VPS41: variants seen among roughly 807,000 people sequenced by gnomAD.
VPS41 encodes VPS41 subunit of HOPS complex.
VPS41 carries 85 observed loss-of-function variants against 130.9 expected under a neutral mutation model. The observed-to-expected ratio is 0.65, with a 90% CI of 0.55 to 0.78. The LOEUF is 0.78. Among genes scored for constraint, VPS41 ranks in the 30% least tolerant of loss-of-function variants. VPS41 has a pLI of 0.00. For synonymous variants in VPS41, 335 were observed against 332.9 expected (o/e 1.01, Z -0.07); for missense variants, 874 against 1,018.7 (o/e 0.86, Z 1.93).
intron 12 of VPS41, among the ~76,000 whole-genome samples, chr7:38,772,935 T>C (rs1334627677): frequency 6.6e-6 from 1 of 151,644 alleles, no homozygotes. Flanking sequence ...GAAAAAAAAA[T>C]AAGGTGAGTT....
intron 9 of VPS41, among the ~76,000 whole-genome samples, chr7:38,793,124 T>G (rs1784562806): frequency 6.6e-6 from 1 of 152,214 alleles, no homozygotes; most frequent in East Asian, 1.9e-4. Context: ...CTCCTTTTTA[T>G]TTGCCACCTT....
intron 4 of VPS41, among the ~76,000 whole-genome samples, chr7:38,850,568 G>A (rs188658991): frequency 1.4e-3 from 207 of 152,296 alleles, no homozygotes; most frequent in Non-Finnish European, 2.2e-3. Flanking sequence ...GAAAGTCAAT[G>A]TCTCCCTAAA....
chr7:38,862,485 T>TA (rs1786137913), intron 4 of VPS41, 60 bp downstream of exon 4: 1 of 1,114,804 alleles, frequency 9.0e-7, no homozygotes, highest in Non-Finnish European at 1.3e-6. Flanking sequence ...ACCAATATTC[T>TA]AAAACACAAA....
At position 38,763,519 on chromosome 7, in the gene VPS41, T is replaced by C; in HGVS notation, c.1358A>G (p.Asp453Gly). 6.2e-7 allele frequency: 1 copy of C among 1,608,676 alleles called. No individual in the cohort carries two copies. The highest frequency in any genetic ancestry group is 1.1e-5 in the South Asian group (1 of 90,118). The change falls in exon 17 of 29, where the codon GAT (aspartate) becomes GGT (glycine). Residue 453 changes from aspartate (D) to glycine (G), a missense_variant. Physicochemically the swap from Asp to Gly is moderately conservative, Grantham distance 94 (BLOSUM62 -1). Transcript: ENST00000310301. ...ATAGATGAGTGGTTTCAGAACTGGATCACCTCTTGGCAAATAAGGACTAAT... is the reference window on the plus strand; with the variant it reads ...ATAGATGAGTGGTTTCAGAACTGGACCACCTCTTGGCAAATAAGGACTAAT... ...KAISPYLPRG[D>G]PVLKPLIYEM...
rs146540222 is a variant in VPS41, at chr7:38,764,157, A to G, written c.1330-610T>C. Among the ~76,000 whole-genome samples the G allele has an allele frequency of 5.1e-4, 77 of 152,338 alleles. 2 individuals are homozygous for G. In the East Asian group the frequency reaches 8.3e-3, roughly 16 times the overall value. Reference sequence around the variant, plus strand: ...GAAAGATATGCAGACAATTAAACAGACAATAACTGTATTGTGTGGTAAGTG... The same window carrying G: ...GAAAGATATGCAGACAATTAAACAGGCAATAACTGTATTGTGTGGTAAGTG... On this transcript the variant is annotated intron_variant, in intron 16 of 28. Transcript: ENST00000310301.
intron 6 of VPS41, among the ~76,000 whole-genome samples, chr7:38,818,781 AAC>A (rs906031850): frequency 4.6e-5 from 7 of 152,176 alleles, no homozygotes; most frequent in Admixed American, 1.3e-4. Flanking sequence ...TTTTTAGGTA[AAC>A]ACACACACAA....
intron 8 of VPS41, among the ~76,000 whole-genome samples, chr7:38,796,072 G>A (rs1784612213): frequency 6.6e-6 from 1 of 152,172 alleles, no homozygotes; most frequent in Non-Finnish European, 1.5e-5. Flanking sequence ...TGAACCAAGA[G>A]ACCACAGCTT....
intron 27 of VPS41, among the ~76,000 whole-genome samples, chr7:38,727,754 A>G (rs1036650858): frequency 2.0e-5 from 3 of 152,218 alleles, no homozygotes; most frequent in Admixed American, 1.3e-4. Context: ...CATGAGGTCA[A>G]CTAGGTCTTT....
rs183858075 is a variant in VPS41 at position 38,723,173 on chromosome 7, C to G, written c.*3073G>C. The G allele has an allele frequency of 6.6e-6, 1 of 152,074 alleles. No individual in the cohort carries two copies. The highest frequency in any genetic ancestry group is 2.4e-5 in the African/African-American group (1 of 41,376). The allele number at this position is 152,074 out of a possible 1,614,324, so 9.4% of individuals were successfully genotyped here. On this transcript the variant is annotated 3_prime_UTR_variant, in exon 29 of 29. Transcript: ENST00000310301. ...GAGGAAGGGGAGGGCCTGGTCTTGC[C>G]GTCTCAAGGGTGGCAGAGGCAGAAG...
chr7:38,803,826 T>C (rs1584403759), intron 7 of VPS41, among the ~76,000 whole-genome samples: 1 of 152,224 alleles, frequency 6.6e-6, no homozygotes, highest in East Asian at 1.9e-4. Context: ...AGCAGGTAAG[T>C]GTCTTTGTTT....
chr7:38,811,207 A>C (rs1784936271), intron 7 of VPS41, among the ~76,000 whole-genome samples: 1 of 152,124 alleles, frequency 6.6e-6, no homozygotes, highest in African/African-American at 2.4e-5. Context: ...AACAAACAAA[A>C]CACGCTAATG....
chr7:38,803,066 C>G (rs1784763295), intron 7 of VPS41, among the ~76,000 whole-genome samples: 1 of 152,164 alleles, frequency 6.6e-6, no homozygotes, highest in South Asian at 2.1e-4. Context: ...TATGAGCCCT[C>G]ACATCCTCAG....
chr7:38,742,120 T>C lies in VPS41; in HGVS notation c.2124A>G (p.Pro708=). 1 of 1,606,152 alleles carries C rather than the reference T, an allele frequency of 6.2e-7. No individual in the cohort carries two copies. The highest frequency in any genetic ancestry group is 1.1e-5 in the South Asian group (1 of 88,958). Residue 708 remains proline, a splice_region_variant and synonymous_variant, in exon 25 of 29, where the codon CCA becomes CCG. Coordinates refer to ENST00000310301, the MANE Select transcript of VPS41 (RefSeq NM_014396.4). ...TGTTGTTTAACAAGCCAGTAATAAATGCTACAAAATACCACATAAAACAAT... is the reference window on the plus strand; with the variant it reads ...TGTTGTTTAACAAGCCAGTAATAAACGCTACAAAATACCACATAAAACAAT... ...DLILYSIDKP[P]FITGLLNNIG...
intron 1 of VPS41, among the ~76,000 whole-genome samples, chr7:38,905,101 AT>A (rs1458355610): frequency 1.3e-5 from 2 of 152,160 alleles, no homozygotes; most frequent in African/African-American, 4.8e-5. Flanking sequence ...TTGAAATGCT[AT>A]TTTCCCCCTA....
At chr7:38,757,629 G>A (rs1284076759) in intron 18 of VPS41, among the ~76,000 whole-genome samples, 2 of 152,066 alleles carry the variant, frequency 1.3e-5, no homozygotes, top group African/African-American at 2.4e-5. Context: ...AATCCAACAC[G>A]TCCAGAGTTC....
rs749520554 is a variant in VPS41, at chr7:38,742,107, A to G, written c.2137T>C (p.Leu713=). Reference sequence around the variant, plus strand: ...ACATGTGTGCCAATGTTGTTTAACAAGCCAGTAATAAATGCTACAAAATAC... The same window carrying G: ...ACATGTGTGCCAATGTTGTTTAACAGGCCAGTAATAAATGCTACAAAATAC... ...SIDKPPFITG[L]LNNIGTHVDP... The change falls in exon 25 of 29, where the codon TTG becomes CTG. Residue 713 remains leucine, a synonymous_variant. Transcript: ENST00000310301. 1.1e-5 allele frequency: 17 copies of G among 1,609,602 alleles called. 1 individual carries two copies. In the East Asian group the frequency reaches 2.9e-4, roughly 28 times the overall value.
At position 38,755,636 on chromosome 7, in the gene VPS41, T is replaced by C. The variant is rs139100302; in HGVS notation, c.1696-700A>G. Among the ~76,000 whole-genome samples, 157 of 152,310 alleles carry C rather than the reference T, an allele frequency of 1.0e-3. 2 individuals carry two copies. The highest frequency in any genetic ancestry group is 8.4e-3 in the Admixed American group (129 of 15,298). ...TGCTCCAAATGTTACTTTTGTTCTC[T>C]GAAATACGAGGGTGTTGGAGTAGAT... On this transcript the variant is annotated intron_variant, in intron 19 of 28. Transcript: ENST00000310301.
intron 19 of VPS41, among the ~76,000 whole-genome samples, chr7:38,756,463 A>G (rs1050288432): frequency 1.3e-5 from 2 of 152,242 alleles, no homozygotes; most frequent in Non-Finnish European, 2.9e-5. Context: ...TCAAGATGGA[A>G]GTTCACTTAA....
At chr7:38,831,994 G>C (rs1184823039) in intron 4 of VPS41, among the ~76,000 whole-genome samples, 1 of 152,070 alleles carries the variant, frequency 6.6e-6, no homozygotes, top group Admixed American at 6.5e-5. Flanking sequence ...AGCAATAGAA[G>C]GGTTTTTTTT....
Sources: gnomAD v4.1 joint callset for allele counts (sites outside exome capture counted in the v4.1 genomes callset) on GRCh38, gnomAD v4.1.1 for gene constraint, MANE v1.5 for transcripts, NCBI Gene and HGNC (gene_info 2026-07-23, HGNC 2026-07-21) for gene names.